Variants in CERS6 observed in about 807,000 individuals in gnomAD.
The protein encoded by CERS6 is LAG1 homolog, ceramide synthase 6.
CERS6 carries 26 observed loss-of-function variants against 56.8 expected under a neutral mutation model. That is an observed-to-expected ratio of 0.46 (90% CI 0.34 to 0.63). The LOEUF (loss-of-function observed/expected upper bound fraction) is 0.63, where lower values mean the gene tolerates loss of function less well. Among genes scored for constraint, CERS6 ranks in the 30% least tolerant of loss-of-function variants. CERS6 has a pLI of 0.01. For synonymous variants in CERS6, 164 were observed against 173.3 expected (o/e 0.95, Z 0.42); for missense variants, 415 against 467.5 (o/e 0.89, Z 1.04).
At chr2:168,704,253 A>G (rs1185131720) in intron 6 of CERS6, among the ~76,000 whole-genome samples, 3 of 152,096 alleles carry the variant, frequency 2.0e-5, no homozygotes, top group African/African-American at 7.2e-5. Context: ...CTCTTCTTCC[A>G]GTGTGCTGCA....
rs561011122 is a variant in CERS6, at chr2:168,657,585, T to C, written c.465+26543T>C. 7.1e-3 allele frequency among the ~76,000 whole-genome samples: 1,075 copies of C among 152,268 alleles called. 5 individuals carry two copies. Among genetic ancestry groups the C allele is most frequent in the South Asian group, 0.014 (69 of 4,822 alleles). On this transcript the variant is annotated intron_variant, in intron 4 of 9. Transcript: ENST00000305747. The stretch of plus-strand genomic sequence containing the variant: ...ACTGCAGGTCCCGAGCCCTGCCCCG[T>C]GGGAAGGCAGCCAAGGCCCGGCGAG...
chr2:168,675,049 C>A (rs1686021270), intron 4 of CERS6, among the ~76,000 whole-genome samples: 1 of 152,000 alleles, frequency 6.6e-6, no homozygotes, highest in African/African-American at 2.4e-5. Context: ...AATCGGCTCA[C>A]TACAACCTCC....
chr2:168,741,336 C>A (rs1192690194), intron 8 of CERS6, among the ~76,000 whole-genome samples: 3 of 146,874 alleles, frequency 2.0e-5, no homozygotes, highest in Non-Finnish European at 4.5e-5. Flanking sequence ...CAAGAGGAGG[C>A]ACCAAGCAGG....
At position 168,717,901 on chromosome 2, in the gene CERS6, T is replaced by A. The variant is rs778086577; in HGVS notation, c.768T>A (p.Phe256Leu). ...EAAKMANYAKFQKMCDLLFVM... is the reference protein window; with the variant it reads ...EAAKMANYAKLQKMCDLLFVM... ...CCAAAATGGCAAATTATGCCAAGTT[T>A]CAGAAAATGTGTGATCTCCTGTTTG... Residue 256 changes from phenylalanine to leucine, a missense_variant, in exon 8 of 10, where the codon TTT becomes TTA. By Grantham distance (22) the Phe-to-Leu change is conservative. Transcript: ENST00000305747. The A allele has an allele frequency of 6.2e-7, 1 of 1,613,828 alleles. No individual in the cohort carries two copies. Among genetic ancestry groups the A allele is most frequent in the South Asian group, 1.1e-5 (1 of 91,022 alleles).
At chr2:168,748,292 A>C (rs1684167706) in intron 8 of CERS6, among the ~76,000 whole-genome samples, 2 of 152,210 alleles carry the variant, frequency 1.3e-5, no homozygotes, top group Admixed American at 6.5e-5. Flanking sequence ...GGACTATGGA[A>C]ATAAGTAATT....
Position 168,770,593 on chromosome 2 carries a change from A to G in CERS6, c.*931A>G, listed in dbSNP as rs192072777. The G allele has an allele frequency of 8.3e-4, 127 of 152,776 alleles. 1 individual carries two copies. Among genetic ancestry groups the G allele is most frequent in the Non-Finnish European group, 1.3e-4 (9 of 68,042 alleles). 9.5% of individuals were successfully genotyped at this position (152,776 alleles called of 1,614,324 possible). A position where few individuals can be genotyped will look rare whatever the true frequency, so the allele number is the denominator to read the frequency against. On this transcript the variant is annotated 3_prime_UTR_variant, in exon 10 of 10. Transcript: ENST00000305747. ...AATTAGTGCAGTCTTATGTTATAAA[A>G]GAAAGAAGTTAACTATATTTGGGGA...
intron 1 of CERS6, among the ~76,000 whole-genome samples, chr2:168,539,368 C>A (rs1038467556): frequency 6.6e-6 from 1 of 152,164 alleles, no homozygotes; most frequent in Non-Finnish European, 1.5e-5. Flanking sequence ...TCATTAACTT[C>A]TTTGAGCTTT....
At chr2:168,574,943 T>G (rs1024833707) in intron 3 of CERS6, among the ~76,000 whole-genome samples, 9 of 152,220 alleles carry the variant, frequency 5.9e-5, no homozygotes, top group African/African-American at 2.2e-4. Flanking sequence ...AAGAAAAGCT[T>G]CTTGTTGAGA....
intron 1 of CERS6, among the ~76,000 whole-genome samples, chr2:168,530,851 C>T (rs1695154762): frequency 6.6e-6 from 1 of 152,152 alleles, no homozygotes; most frequent in South Asian, 2.1e-4. Context: ...ATGGACTAGA[C>T]TGACTGACCT....
intron 1 of CERS6, among the ~76,000 whole-genome samples, chr2:168,508,216 T>A (rs1455649989): frequency 6.6e-6 from 1 of 152,204 alleles, no homozygotes; most frequent in African/African-American, 2.4e-5. Flanking sequence ...TAACTCAGTG[T>A]TTGAATAAAT....
chr2:168,679,787 T>C (rs755294066), intron 4 of CERS6, among the ~76,000 whole-genome samples: 2 of 152,214 alleles, frequency 1.3e-5, no homozygotes, highest in South Asian at 2.1e-4. Context: ...GTGGGACTTA[T>C]ATTGTGCCTG....
At chr2:168,706,923 T>C (rs2105378997) in intron 6 of CERS6, among the ~76,000 whole-genome samples, 1 of 152,342 alleles carries the variant, frequency 6.6e-6, no homozygotes, top group South Asian at 2.1e-4. Context: ...GCTCTGCCAC[T>C]ATAGCAAGAA....
At chr2:168,669,655 A>C (rs987192281) in intron 4 of CERS6, among the ~76,000 whole-genome samples, 1 of 152,234 alleles carries the variant, frequency 6.6e-6, no homozygotes, top group African/African-American at 2.4e-5. Flanking sequence ...TAAGTTAAAA[A>C]AAGTAAAAGT....
chr2:168,463,985 A>T (rs1466785116), intron 1 of CERS6, among the ~76,000 whole-genome samples: 1 of 152,136 alleles, frequency 6.6e-6, no homozygotes, highest in African/African-American at 2.4e-5. Context: ...GCTTATGATA[A>T]ACTTATTTCA....
intron 9 of CERS6, chr2:168,766,421 G>A: frequency 7.8e-7 from 1 of 1,280,114 alleles, no homozygotes; most frequent in Non-Finnish European, 1.1e-6. Context: ...AGATGCTTTT[G>A]TTTCCACGCA....
intron 8 of CERS6, among the ~76,000 whole-genome samples, chr2:168,763,645 A>G (rs540553051): frequency 3.8e-4 from 58 of 152,020 alleles, no homozygotes; most frequent in Non-Finnish European, 6.9e-4. Context: ...TAAATTATCT[A>G]TTTGTCTTAT....
chr2:168,698,170 C>G (rs957212667), intron 6 of CERS6, among the ~76,000 whole-genome samples: 1 of 135,356 alleles, frequency 7.4e-6, no homozygotes, highest in Non-Finnish European at 1.6e-5. Context: ...GTGTTGTGCA[C>G]CAAGTGAGCC....
chr2:168,562,338 A>T (rs1432490778), intron 3 of CERS6, among the ~76,000 whole-genome samples: 1 of 152,206 alleles, frequency 6.6e-6, no homozygotes, highest in Non-Finnish European at 1.5e-5. Flanking sequence ...CACAAAGTAT[A>T]GAGAAACAAC....
Position 168,545,640 on chromosome 2 carries a change from C to G in CERS6, c.171-1956C>G, listed in dbSNP as rs777698891. On this transcript the variant is annotated intron_variant, in intron 1 of 9. Transcript: ENST00000305747. ...CAGAGAATGTCTGCTAACTTGTCCTCAGCACTCAACACCGTGATAGCAACA... is the reference window on the plus strand; with the variant it reads ...CAGAGAATGTCTGCTAACTTGTCCTGAGCACTCAACACCGTGATAGCAACA... Among the ~76,000 whole-genome samples, 72 of 152,200 alleles carry G rather than the reference C, an allele frequency of 4.7e-4. 1 individual carries two copies. The highest frequency in any genetic ancestry group is 8.5e-4 in the Admixed American group (13 of 15,286).
Sources: allele counts gnomAD v4.1 joint callset (sites outside exome capture counted in the v4.1 genomes callset), GRCh38; gene constraint gnomAD v4.1.1; transcripts MANE v1.5; gene names NCBI Gene and HGNC (gene_info 2026-07-23, HGNC 2026-07-21).